Variants in ZMYM4 observed in about 807,000 individuals in gnomAD.
The protein encoded by ZMYM4 is zinc finger MYM-type protein 4.
In ZMYM4, 31 loss-of-function variants were observed where a neutral mutation model predicts 183.2. The ratio of observed to expected loss-of-function variants is 0.17; its 90% CI spans 0.13 to 0.23. ZMYM4 has a LOEUF of 0.23. Ranked by LOEUF, ZMYM4 falls within the 10% of genes least tolerant of loss-of-function variation. The pLI is 1.00. For synonymous variants in ZMYM4, 592 were observed against 631.2 expected (o/e 0.94, Z 0.93); for missense variants, 1,273 against 1,840.3 (o/e 0.69, Z 5.64).
At chr1:35,305,145 A>T (rs1641477105) in intron 1 of ZMYM4, among the ~76,000 whole-genome samples, 1 of 152,190 alleles carries the variant, frequency 6.6e-6, no homozygotes, top group Non-Finnish European at 1.5e-5. Flanking sequence ...CGCCCAGCCC[A>T]CAAGTAAACT....
chr1:35,326,439 C>CT (rs1316484055), intron 2 of ZMYM4, among the ~76,000 whole-genome samples: 1 of 152,166 alleles, frequency 6.6e-6, no homozygotes, highest in Non-Finnish European at 1.5e-5. Context: ...AGAGCACCTC[C>CT]TACCACCATG....
chr1:35,396,567 AG>A lies in ZMYM4; in HGVS notation c.2928del (p.Gln976HisfsTer78). On this transcript the variant is annotated frameshift_variant, in exon 19 of 30. Coordinates refer to ENST00000314607, the MANE Select transcript of ZMYM4 (RefSeq NM_005095.3). LOFTEE classifies it high-confidence loss of function. ...TTACTGTTAGAAGACACTCCAAGTC[AG>A]CCCCAGATTATTGTGGTGCCAGTTC... ...KECQTEDTPS[Q>X]PQIIVVPVPV... The A allele has an allele frequency of 6.2e-7, 1 of 1,613,874 alleles. No homozygotes were observed. Among genetic ancestry groups the A allele is most frequent in the Non-Finnish European group, 8.5e-7 (1 of 1,179,812 alleles).
intron 5 of ZMYM4, among the ~76,000 whole-genome samples, chr1:35,365,239 C>CTTTTTTTT (rs746304675): frequency 3.5e-5 from 3 of 85,314 alleles, no homozygotes; most frequent in Non-Finnish European, 4.9e-5. Flanking sequence ...TAATCAAAGT[C>CTTTTTTTT]TTTTTTTTTT....
intron 1 of ZMYM4, among the ~76,000 whole-genome samples, chr1:35,312,106 G>A (rs1641831007): frequency 6.6e-6 from 1 of 151,028 alleles, no homozygotes; most frequent in African/African-American, 2.5e-5. Context: ...GTAGTTATAA[G>A]TAATGTGTTG....
chr1:35,289,022 A>C (rs1238416807), intron 1 of ZMYM4, among the ~76,000 whole-genome samples: 3 of 152,246 alleles, frequency 2.0e-5, no homozygotes, highest in African/African-American at 4.8e-5. Context: ...TGGACAAAGA[A>C]TAATAAGGAA....
intron 1 of ZMYM4, among the ~76,000 whole-genome samples, chr1:35,315,736 C>T (rs1277546882): frequency 2.0e-5 from 3 of 151,800 alleles, no homozygotes; most frequent in African/African-American, 7.3e-5. Context: ...GGTTTGGGAC[C>T]AGAATTGGCA....
At chr1:35,368,238 A>C (rs768099276) in intron 5 of ZMYM4, among the ~76,000 whole-genome samples, 1 of 152,158 alleles carries the variant, frequency 6.6e-6, no homozygotes, top group African/African-American at 2.4e-5. Flanking sequence ...AATATTTGCT[A>C]TCTGGTCCCT....
At chr1:35,295,429 T>A (rs868373429) in intron 1 of ZMYM4, among the ~76,000 whole-genome samples, 2 of 152,128 alleles carry the variant, frequency 1.3e-5, no homozygotes, top group Non-Finnish European at 1.5e-5. Flanking sequence ...AGGTGGTGAA[T>A]AACAGTAGAT....
chr1:35,386,890 GT>G (rs1228579080), intron 11 of ZMYM4, 112 bp from the exon 12 acceptor site: 1 of 1,201,962 alleles, frequency 8.3e-7, no homozygotes, highest in African/African-American at 1.5e-5. Flanking sequence ...AACATTGCCT[GT>G]TAACAGATGT....
At chr1:35,293,817 A>C (rs906509757) in intron 1 of ZMYM4, among the ~76,000 whole-genome samples, 2 of 152,072 alleles carry the variant, frequency 1.3e-5, no homozygotes, top group Non-Finnish European at 1.5e-5. Flanking sequence ...GGGAATAAAC[A>C]TACTCTTTTT....
chr1:35,417,808 G>A (rs1033833353), intron 28 of ZMYM4, among the ~76,000 whole-genome samples: 11 of 152,044 alleles, frequency 7.2e-5, no homozygotes, highest in South Asian at 4.2e-4. Context: ...TCAGGAGTTC[G>A]AGACCAGACT....
At chr1:35,356,901 CAG>C (rs143360708) in intron 2 of ZMYM4, among the ~76,000 whole-genome samples, 4,062 of 152,044 alleles carry the variant, frequency 0.027, 67 homozygotes, top group African/African-American at 0.053. Flanking sequence ...AAGAAAGAAA[CAG>C]GGGGTTGCCC....
At chr1:35,407,035 C>T (rs1005761862) in intron 25 of ZMYM4, among the ~76,000 whole-genome samples, 2 of 152,154 alleles carry the variant, frequency 1.3e-5, no homozygotes, top group Non-Finnish European at 2.9e-5. Flanking sequence ...CCTTTGCAGC[C>T]TGTGACCTAG....
At chr1:35,302,199 G>C (rs1393709579) in intron 1 of ZMYM4, among the ~76,000 whole-genome samples, 2 of 93,290 alleles carry the variant, frequency 2.1e-5, no homozygotes, top group Non-Finnish European at 3.7e-5. Context: ...AACGGCTCTT[G>C]CTTTTTTTTT....
Position 35,371,045 on chromosome 1 carries a change from A to G in ZMYM4, c.1181+418A>G, listed in dbSNP as rs550291932. ...GAATTTCTTTAATACTTTTCTTCTT[A>G]ACCTTAAATGGCTTCCAGTGTGTGT... On this transcript the variant is annotated intron_variant, in intron 7 of 29. Transcript: ENST00000314607. Among the ~76,000 whole-genome samples the G allele has an allele frequency of 2.1e-4, 31 of 147,564 alleles. No individual in the cohort carries two copies. In the South Asian group the frequency reaches 5.7e-3, roughly 27 times the overall value.
At chr1:35,384,221 C>T (rs960575241) in intron 9 of ZMYM4, among the ~76,000 whole-genome samples, 1 of 152,114 alleles carries the variant, frequency 6.6e-6, no homozygotes, top group Non-Finnish European at 1.5e-5. Flanking sequence ...TCAGCAGAAG[C>T]TTCACAGAGG....
chr1:35,359,092 G>T lies in ZMYM4; in HGVS notation c.253G>T (p.Val85Phe), dbSNP rs747021600. Reference sequence around the variant, plus strand: ...TGGGGATCTTGCAGGAATTCCAGTCGTTGGTAGTGACAATGAGGATGAACA... The same window carrying T: ...TGGGGATCTTGCAGGAATTCCAGTCTTTGGTAGTGACAATGAGGATGAACA... Reference protein sequence around the residue: ...NSGDLAGIPVVGSDNEDEQDF... With the variant: ...NSGDLAGIPVFGSDNEDEQDF... The change falls in exon 3 of 30, where the codon GTT (valine) becomes TTT (phenylalanine). Residue 85 changes from valine to phenylalanine, a missense_variant. Transcript: ENST00000314607. The T allele has an allele frequency of 6.2e-7, 1 of 1,613,668 alleles. No homozygotes were observed. Among genetic ancestry groups the T allele is most frequent in the Non-Finnish European group, 8.5e-7 (1 of 1,179,750 alleles).
At chr1:35,352,386 GCACACACACA>G (rs374281470) in intron 2 of ZMYM4, among the ~76,000 whole-genome samples, 18 of 128,472 alleles carry the variant, frequency 1.4e-4, no homozygotes, top group Middle Eastern at 3.8e-3. Context: ...AAAAATTAGC[GCACACACACA>G]CACACACACA....
chr1:35,309,880 A>G (rs1641712462), intron 1 of ZMYM4, among the ~76,000 whole-genome samples: 1 of 151,694 alleles, frequency 6.6e-6, no homozygotes, highest in Admixed American at 6.6e-5. Context: ...ACATCTTCTT[A>G]AAAAAACTTA....
Sources: allele counts gnomAD v4.1 joint callset (sites outside exome capture counted in the v4.1 genomes callset), GRCh38; gene constraint gnomAD v4.1.1; transcripts MANE v1.5; gene names NCBI Gene and HGNC (gene_info 2026-07-23, HGNC 2026-07-21).